Variants in ATAD2 observed in about 807,000 individuals in gnomAD.
ATAD2 encodes ATPase family AAA domain-containing protein 2.
ATAD2 carries 62 observed loss-of-function variants against 168.9 expected under a neutral mutation model. The ratio of observed to expected loss-of-function variants is 0.37; its 90% CI spans 0.30 to 0.45. The LOEUF is 0.45. ATAD2 is among the 20% of genes least tolerant of loss of function. ATAD2 has a pLI of 1.00. For missense variants in ATAD2, 1,419 were observed against 1,667.8 expected (o/e 0.85, Z 2.60); for synonymous variants, 613 against 571.6 (o/e 1.07, Z -1.03).
intron 1 of ATAD2, among the ~76,000 whole-genome samples, chr8:123,411,393 C>T (rs569531521): frequency 4.6e-5 from 7 of 152,206 alleles, no homozygotes; most frequent in South Asian, 2.1e-4. Context: ...GAGCAGTCGT[C>T]GGCGAACCTC....
chr8:123,371,305 G>A lies in ATAD2; in HGVS notation c.570C>T (p.Asp190=), dbSNP rs1439235014. 6.2e-7 allele frequency: 1 copy of A among 1,608,350 alleles called. No homozygotes were observed. Among genetic ancestry groups the A allele is most frequent in the Middle Eastern group, 1.7e-4 (1 of 6,044 alleles). The stretch of plus-strand genomic sequence containing the variant: ...TTCGCTGTCTACGCATCTTCTTCAT[G>A]TCATCCATTTTTTGAAGTACAGCTT... ...TAEAVLQKMD[D]MKKMRRQRMR... The change falls in exon 5 of 28, where the codon GAC becomes GAT. Residue 190 remains aspartate, a synonymous_variant. Transcript: ENST00000287394.
chr8:123,334,202 C>CT lies in ATAD2; in HGVS notation c.3331dup (p.Arg1111LysfsTer4). 1 of 1,577,798 alleles carries CT rather than the reference C, an allele frequency of 6.3e-7. No homozygotes were observed. Among genetic ancestry groups the CT allele is most frequent in the Non-Finnish European group, 8.6e-7 (1 of 1,169,170 alleles). ...AATCAACCAAATCACTTTCCTACCT[C>CT]TTTTCTTTCTAGATTCCTGAATTTC... On this transcript the variant is annotated frameshift_variant, in exon 23 of 28. Transcript: ENST00000287394. LOFTEE classifies it high-confidence loss of function.
In ATAD2 at chr8:123,404,373, C is replaced by T. The variant is rs140721134; in HGVS notation, c.-2281-3198G>A. On this transcript the variant is annotated intron_variant, in intron 1 of 28. Transcript: ENST00000521903. ...AAGAAATCCAAAATCAAGGTGTTGGCCATGTTGCTTCCTTCTGGGGGCTCT... is the reference window on the plus strand; with the variant it reads ...AAGAAATCCAAAATCAAGGTGTTGGTCATGTTGCTTCCTTCTGGGGGCTCT... Among the ~76,000 whole-genome samples, 574 of 152,166 alleles carry T rather than the reference C, an allele frequency of 3.8e-3. 7 individuals carry two copies. Among genetic ancestry groups the T allele is most frequent in the Admixed American group, 8.9e-3 (136 of 15,278 alleles).
intron 13 of ATAD2, among the ~76,000 whole-genome samples, chr8:123,354,292 C>T (rs973461880): frequency 1.3e-5 from 2 of 152,140 alleles, no homozygotes; most frequent in Non-Finnish European, 2.9e-5. Context: ...ACAGTTTAAT[C>T]ATCTTCAACA....
chr8:123,362,297 A>G (rs1828849092), intron 8 of ATAD2, among the ~76,000 whole-genome samples: 1 of 82,004 alleles, frequency 1.2e-5, no homozygotes, highest in African/African-American at 7.1e-5. Flanking sequence ...CCCTGCCTCT[A>G]TCTAAAAAAA....
rs781184939 is a variant in ATAD2, at chr8:123,339,392, C to G, written c.2773G>C (p.Asp925His). The change falls in exon 20 of 28, where the codon GAT becomes CAT. Residue 925 changes from aspartate (D) to histidine (H), a missense_variant. By Grantham distance (81) the Asp-to-His change is moderately conservative. Transcript: ENST00000287394. Reference sequence around the variant, plus strand: ...AAAAATTTTGTCCGTTCTTCTTTATCCGGTAACTGGACATTAAAAATCTCT... The same window carrying G: ...AAAAATTTTGTCCGTTCTTCTTTATGCGGTAACTGGACATTAAAAATCTCT... ...YGEIFNVQLP[D>H]KEERTKFFED... 2.2e-5 allele frequency: 36 copies of G among 1,602,266 alleles called. No homozygotes were observed. The highest frequency in any genetic ancestry group is 2.7e-5 in the Non-Finnish European group (32 of 1,173,934).
intron 27 of ATAD2, among the ~76,000 whole-genome samples, chr8:123,322,508 A>C (rs1481134872): frequency 6.6e-6 from 1 of 152,096 alleles, no homozygotes; most frequent in Non-Finnish European, 1.5e-5. Flanking sequence ...ATCTCTACAA[A>C]AAACACAAAA....
intron 13 of ATAD2, among the ~76,000 whole-genome samples, chr8:123,350,755 C>T (rs192646315): frequency 2.0e-4 from 30 of 151,446 alleles, no homozygotes; most frequent in Admixed American, 1.8e-3. Flanking sequence ...GACAGAGTCT[C>T]GCTCTGTCTC....
At chr8:123,384,662 A>G (rs1307881298) in intron 1 of ATAD2, among the ~76,000 whole-genome samples, 1 of 152,386 alleles carries the variant, frequency 6.6e-6, no homozygotes, top group East Asian at 1.9e-4. Flanking sequence ...GTCTTTAGCA[A>G]TAACTATGAT....
At chr8:123,330,511 C>T (rs915000430) in intron 24 of ATAD2, among the ~76,000 whole-genome samples, 5 of 152,040 alleles carry the variant, frequency 3.3e-5, no homozygotes, top group South Asian at 2.1e-4. Context: ...CTACAGGTGC[C>T]GCCACCGTGC....
At chr8:123,378,065 C>A (rs1829373670) in intron 2 of ATAD2, among the ~76,000 whole-genome samples, 2 of 152,270 alleles carry the variant, frequency 1.3e-5, no homozygotes, top group South Asian at 4.1e-4. Context: ...CTTAAGACTT[C>A]AAATTTCAGA....
intron 24 of ATAD2, among the ~76,000 whole-genome samples, chr8:123,331,472 T>C (rs559442356): frequency 3.9e-5 from 6 of 151,950 alleles, no homozygotes; most frequent in African/African-American, 1.2e-4. Flanking sequence ...ACTCTTGATC[T>C]CAAGTGATCC....
At chr8:123,332,916 TTCTTC>T (rs1827811509) in intron 24 of ATAD2, among the ~76,000 whole-genome samples, 1 of 152,124 alleles carries the variant, frequency 6.6e-6, no homozygotes, top group Non-Finnish European at 1.5e-5. Context: ...CTTGCTAATT[TTCTTC>T]TCTTATCTTT....
intron 12 of ATAD2, 120 bp from the exon 13 acceptor site, chr8:123,356,597 T>C: frequency 4.0e-6 from 2 of 497,444 alleles, no homozygotes; most frequent in Non-Finnish European, 3.2e-6. Flanking sequence ...TAAAGCTGAA[T>C]ATATACTATT....
chr8:123,376,283 G>C (rs935535709), intron 2 of ATAD2, among the ~76,000 whole-genome samples: 1 of 151,886 alleles, frequency 6.6e-6, no homozygotes, highest in African/African-American at 2.4e-5. Context: ...GCGGTTGCCT[G>C]TAATCCCAGC....
At chr8:123,365,504 C>T (rs1446796752) in intron 8 of ATAD2, among the ~76,000 whole-genome samples, 1 of 152,158 alleles carries the variant, frequency 6.6e-6, no homozygotes, top group East Asian at 1.9e-4. Flanking sequence ...AATCTGGAAG[C>T]ATTACGTTAC....
intron 24 of ATAD2, among the ~76,000 whole-genome samples, chr8:123,329,656 G>A (rs925924164): frequency 2.1e-5 from 3 of 145,904 alleles, no homozygotes; most frequent in Admixed American, 7.3e-5. Context: ...CCAGCTACTC[G>A]CAGGAGAATG....
chr8:123,342,045 C>A (rs190739099), intron 19 of ATAD2, among the ~76,000 whole-genome samples: 1 of 152,142 alleles, frequency 6.6e-6, no homozygotes, highest in Non-Finnish European at 1.5e-5. Context: ...AAGATCGCAC[C>A]CCTACGCTGC....
Position 123,396,417 on chromosome 8 carries a change from G to C in ATAD2, c.-60C>G. ...GAGAGAGATCCAGCTCCAGGCGCTC[G>C]CAGCTCTGGCTCTTCCGCGCTCCGA... On this transcript the variant is annotated 5_prime_UTR_variant, in exon 1 of 28. Coordinates refer to ENST00000287394, the MANE Select transcript of ATAD2 (RefSeq NM_014109.4). 1.4e-6 allele frequency: 2 copies of C among 1,445,484 alleles called. No homozygotes were observed. Among genetic ancestry groups the C allele is most frequent in the African/African-American group, 1.5e-5 (1 of 67,934 alleles). The allele number at this position is 1,445,484 out of a possible 1,614,324, so 89.5% of individuals were successfully genotyped here.
Sources: gnomAD v4.1 joint callset for allele counts (sites outside exome capture counted in the v4.1 genomes callset) on GRCh38, gnomAD v4.1.1 for gene constraint, MANE v1.5 for transcripts, NCBI Gene and HGNC (gene_info 2026-07-23, HGNC 2026-07-21) for gene names.